The following EPHB2 variants were observed in gnomAD, a reference collection of about 807,000 sequenced individuals.
The protein encoded by EPHB2 is EPH receptor B2.
Under a neutral mutation model 96.4 loss-of-function variants are expected in EPHB2, and 18 were observed. The observed-to-expected ratio is 0.19, with a 90% CI of 0.13 to 0.28. The LOEUF is 0.28. Ranked by LOEUF, EPHB2 falls within the 10% of genes least tolerant of loss-of-function variation. EPHB2 has a pLI of 1.00. For missense variants in EPHB2, 989 were observed against 1,355.4 expected, an observed-to-expected ratio of 0.73 and a Z score of 4.25; for synonymous variants, 506 against 534.1, an observed-to-expected ratio of 0.95 and a Z score of 0.72.
intron 3 of EPHB2, among the ~76,000 whole-genome samples, chr1:22,845,281 C>T (rs115074542): frequency 0.013 from 2,053 of 152,304 alleles, 45 homozygotes; most frequent in African/African-American, 0.047. Flanking sequence ...ATCCATATAA[C>T]GCACTTAAAA....
intron 7 of EPHB2, among the ~76,000 whole-genome samples, chr1:22,893,874 A>C (rs1639469721): frequency 6.6e-6 from 1 of 152,128 alleles, no homozygotes; most frequent in South Asian, 2.1e-4. Context: ...GTGTGTCTGG[A>C]ATCCCTTTTA....
At chr1:22,838,466 C>T (rs759070260) in intron 3 of EPHB2, among the ~76,000 whole-genome samples, 1 of 152,224 alleles carries the variant, frequency 6.6e-6, no homozygotes, top group Non-Finnish European at 1.5e-5. Flanking sequence ...CTTTTAGCTC[C>T]GCTTACGTTA....
intron 3 of EPHB2, among the ~76,000 whole-genome samples, chr1:22,812,532 C>T (rs566665533): frequency 2.7e-5 from 4 of 148,554 alleles, no homozygotes; most frequent in Non-Finnish European, 3.0e-5. Flanking sequence ...AAATTGGGGG[C>T]GGGGGCTGTG....
chr1:22,833,332 C>T (rs562983823), intron 3 of EPHB2, among the ~76,000 whole-genome samples: 19 of 152,194 alleles, frequency 1.2e-4, no homozygotes, highest in African/African-American at 4.6e-4. Flanking sequence ...ATTGGCCAGG[C>T]TGGTCTCGAA....
At chr1:22,835,329 A>G (rs1399558589) in intron 3 of EPHB2, among the ~76,000 whole-genome samples, 1 of 152,054 alleles carries the variant, frequency 6.6e-6, no homozygotes, top group Non-Finnish European at 1.5e-5. Flanking sequence ...ACAGTGAGCC[A>G]TGATCACACC....
At chr1:22,895,640 ATT>A in intron 8 of EPHB2, 60 bp downstream of exon 8, 3 of 1,441,274 alleles carry the variant, frequency 2.1e-6, no homozygotes, top group Non-Finnish European at 2.9e-6. Context: ...CTCTCTCTCT[ATT>A]CAGTCATCCC....
intron 1 of EPHB2, among the ~76,000 whole-genome samples, chr1:22,746,153 A>G (rs543783486): frequency 2.6e-5 from 4 of 152,298 alleles, no homozygotes; most frequent in Admixed American, 1.3e-4. Context: ...CACCTGCCCT[A>G]TGGACCTTGC....
At chr1:22,810,582 G>A (rs1316287512) in intron 3 of EPHB2, among the ~76,000 whole-genome samples, 3 of 152,224 alleles carry the variant, frequency 2.0e-5, no homozygotes, top group East Asian at 3.9e-4. Flanking sequence ...CTGAGAGAAT[G>A]AGTGGTAAAT....
chr1:22,841,534 C>T (rs1327597395), intron 3 of EPHB2, among the ~76,000 whole-genome samples: 2 of 152,220 alleles, frequency 1.3e-5, no homozygotes, highest in African/African-American at 4.8e-5. Flanking sequence ...TCACTCCCCT[C>T]ATCAGGACAG....
At chr1:22,716,703 C>T (rs540707186) in intron 1 of EPHB2, among the ~76,000 whole-genome samples, 95 of 152,352 alleles carry the variant, frequency 6.2e-4, no homozygotes, top group African/African-American at 2.2e-3. Context: ...GTCAACTCTG[C>T]CTGCCCAGAG....
In EPHB2 at chr1:22,769,533, A is replaced by C. The variant is rs77725224; in HGVS notation, c.62-11888A>C. Among the ~76,000 whole-genome samples, 245 of 152,142 alleles carry C rather than the reference A, an allele frequency of 1.6e-3. 7 individuals carry two copies. In the East Asian group the frequency reaches 0.04, roughly 25 times the overall value. Reference sequence around the variant, plus strand: ...GTTGATTCTCGTGCCTCAATCTCCCAAGTAGCTGGGATTACAGACATGCAC... The same window carrying C: ...GTTGATTCTCGTGCCTCAATCTCCCCAGTAGCTGGGATTACAGACATGCAC... On this transcript the variant is annotated intron_variant, in intron 1 of 15. Transcript: ENST00000374630.
At chr1:22,727,663 C>T (rs1643610676) in intron 1 of EPHB2, among the ~76,000 whole-genome samples, 1 of 151,936 alleles carries the variant, frequency 6.6e-6, no homozygotes, top group Non-Finnish European at 1.5e-5. Context: ...AGATCTATAG[C>T]ATAAAACTCC....
At chr1:22,711,157 C>T (rs1643127061) in intron 1 of EPHB2, 114 bp downstream of exon 1, 1 of 145,854 alleles carries the variant, frequency 6.9e-6, no homozygotes, top group Admixed American at 6.8e-5. Flanking sequence ...GGGCCGGCGC[C>T]GGGCGCAGGT....
At position 22,905,472 on chromosome 1, in the gene EPHB2, GA is replaced by G. The variant is rs374828408; in HGVS notation, c.1766-513del. ...GGGCAGCTAGAAAGGGACCCTGGGG[GA>G]AGAGGAGGCTTGAATTAGGCCTGGA... On this transcript the variant is annotated intron_variant, in intron 9 of 15. Coordinates refer to ENST00000374630, the MANE Select transcript of EPHB2 (RefSeq NM_017449.5). Among the ~76,000 whole-genome samples the G allele has an allele frequency of 1.5e-3, 231 of 152,288 alleles. 2 individuals are homozygous for G. The highest frequency in any genetic ancestry group is 4.5e-3 in the African/African-American group (185 of 41,562).
chr1:22,746,094 A>G (rs186478719), intron 1 of EPHB2, among the ~76,000 whole-genome samples: 20 of 152,284 alleles, frequency 1.3e-4, no homozygotes, highest in Non-Finnish European at 2.6e-4. Context: ...TGGGCCAGGC[A>G]TTTTGCCAGG....
intron 14 of EPHB2, 34 bp downstream of exon 14, chr1:22,910,609 C>T (rs775831267): frequency 1.2e-6 from 2 of 1,610,310 alleles, no homozygotes; most frequent in South Asian, 1.1e-5. Flanking sequence ...CCCAGCCAGG[C>T]CCTGCCCCTC....
intron 1 of EPHB2, among the ~76,000 whole-genome samples, chr1:22,725,075 G>T (rs1165243862): frequency 1.3e-5 from 2 of 151,988 alleles, no homozygotes; most frequent in Non-Finnish European, 2.9e-5. Context: ...CACCTTGCAC[G>T]CAGCCCTTTT....
At chr1:22,743,942 G>A (rs943125590) in intron 1 of EPHB2, among the ~76,000 whole-genome samples, 5 of 152,166 alleles carry the variant, frequency 3.3e-5, no homozygotes, top group Admixed American at 2.0e-4. Context: ...AGGTAATGAC[G>A]CTGTTCTTAT....
intron 6 of EPHB2, among the ~76,000 whole-genome samples, chr1:22,885,882 G>A (rs1165855212): frequency 1.3e-5 from 2 of 152,212 alleles, no homozygotes; most frequent in Non-Finnish European, 2.9e-5. Flanking sequence ...GGGGTACAGA[G>A]AGGGACAGCT....
Sources: allele counts gnomAD v4.1 joint callset (sites outside exome capture counted in the v4.1 genomes callset), GRCh38; gene constraint gnomAD v4.1.1; transcripts MANE v1.5; gene names NCBI Gene and HGNC (gene_info 2026-07-23, HGNC 2026-07-21).